CEP250: variants seen among roughly 807,000 people sequenced by gnomAD.
CEP250 encodes the protein centrosome-associated protein CEP250.
Under a neutral mutation model 315.7 loss-of-function variants are expected in CEP250, and 242 were observed. The observed-to-expected ratio is 0.77, with a 90% CI of 0.69 to 0.85. The LOEUF is 0.85. Among genes scored for constraint, CEP250 ranks in the 40% least tolerant of loss-of-function variants. CEP250 has a pLI of 0.00. For missense variants in CEP250, 2,515 were observed against 2,886.4 expected (o/e 0.87, Z 2.95); for synonymous variants, 1,088 against 1,175.0 (o/e 0.93, Z 1.51).
Position 35,475,556 on chromosome 20 carries a change from G to A in CEP250, c.1626G>A (p.Leu542=). The change falls in exon 15 of 35, where the codon CTG becomes CTA. Residue 542 remains leucine, a synonymous_variant. Transcript: ENST00000397527. ...EAKQSESLSE[L]ITLREALESS... ...AACAGTCAGAATCACTCAGTGAACT[G>A]ATCACTCTTCGGGAAGCCCTGGAGT... 1.9e-6 allele frequency: 3 copies of A among 1,614,156 alleles called. No individual in the cohort carries two copies. Among genetic ancestry groups the A allele is most frequent in the Non-Finnish European group, 2.5e-6 (3 of 1,180,036 alleles).
In CEP250 at chr20:35,474,070, C is replaced by T. The variant is rs1468677322; in HGVS notation, c.1571+18C>T. On this transcript the variant is annotated intron_variant, in intron 14 of 34. Coordinates refer to ENST00000397527, the MANE Select transcript of CEP250 (RefSeq NM_007186.6). ...GAGCGTCTGTAAGTGAGACTAGTCT[C>T]CTCCTCGCTGGGCCCTGGTCTTTCT... is the stretch of plus-strand genomic sequence containing the variant. The T allele has an allele frequency of 2.0e-6, 3 of 1,503,820 alleles. No individual in the cohort carries two copies. Among genetic ancestry groups the T allele is most frequent in the Non-Finnish European group, 2.7e-6 (3 of 1,129,294 alleles). 93.2% of individuals were successfully genotyped at this position (1,503,820 alleles called of 1,614,324 possible). A position where few individuals can be genotyped will look rare whatever the true frequency, so the allele number is the denominator to read the frequency against.
intron 2 of CEP250, among the ~76,000 whole-genome samples, chr20:35,458,771 T>C (rs886545120): frequency 1.3e-5 from 2 of 152,188 alleles, no homozygotes; most frequent in African/African-American, 2.4e-5. Flanking sequence ...TCTCTGTCTC[T>C]TCTCTTTTAT....
At chr20:35,508,335 A>G in intron 32 of CEP250, 145 bp downstream of exon 32, 1 of 882,600 alleles carries the variant, frequency 1.1e-6, no homozygotes, top group Non-Finnish European at 1.7e-6. Context: ...TTTTCCCGAG[A>G]CAGAGTCTTG....
intron 20 of CEP250, among the ~76,000 whole-genome samples, chr20:35,487,868 C>T (rs2063562985): frequency 6.6e-6 from 1 of 152,202 alleles, no homozygotes; most frequent in Admixed American, 6.5e-5. Context: ...TCTTTTTTAT[C>T]CACCTCTGTA....
intron 1 of CEP250, among the ~76,000 whole-genome samples, chr20:35,457,774 G>A (rs769983470): frequency 6.6e-6 from 1 of 152,122 alleles, no homozygotes; most frequent in African/African-American, 2.4e-5. Flanking sequence ...ACTACAGCCT[G>A]GGTAACAGAG....
At position 35,472,769 on chromosome 20, in the gene CEP250, G is replaced by T; in HGVS notation, c.1147G>T (p.Asp383Tyr). 6.2e-7 allele frequency: 1 copy of T among 1,614,160 alleles called. No homozygotes were observed. Among genetic ancestry groups the T allele is most frequent in the Non-Finnish European group, 8.5e-7 (1 of 1,180,024 alleles). The change falls in exon 12 of 35, where the codon GAT becomes TAT. Residue 383 changes from aspartate (D) to tyrosine (Y), a missense_variant. Asp to Tyr is a radical substitution (Grantham distance 160). Transcript: ENST00000397527. ...TATCTTCTCCCAGTTTGATTACCAG[G>T]ATGCAGACAAGGCTCTTACTCTGGT... The part of the protein sequence containing the change: ...SSIFSQFDYQ[D>Y]ADKALTLVRS...
rs773605537 is a variant in CEP250, at chr20:35,472,818, G to A, written c.1196G>A (p.Arg399His). The change falls in exon 12 of 35, where the codon CGC (arginine) becomes CAC (histidine). Residue 399 changes from arginine (R) to histidine (H), a missense_variant. Arg to His is a conservative substitution (Grantham distance 29). Coordinates refer to ENST00000397527, the MANE Select transcript of CEP250 (RefSeq NM_007186.6). The part of the protein sequence containing the change: ...TLVRSVLTRR[R>H]QAVQDLRQQL... Reference sequence around the variant, plus strand: ...GTGCGTTCAGTGCTGACTCGGAGACGCCAGGCTGTGCAGGTAGGAACCCTC... The same window carrying A: ...GTGCGTTCAGTGCTGACTCGGAGACACCAGGCTGTGCAGGTAGGAACCCTC... The A allele has an allele frequency of 3.1e-6, 5 of 1,613,994 alleles. No homozygotes were observed. Among genetic ancestry groups the A allele is most frequent in the Admixed American group, 1.7e-5 (1 of 60,008 alleles).
intron 21 of CEP250, 154 bp downstream of exon 21, chr20:35,490,958 C>T (rs2063672168): frequency 1.1e-6 from 1 of 888,534 alleles, no homozygotes; most frequent in African/African-American, 1.7e-5. Context: ...GTGGTCCGCA[C>T]CATTAGCCAC....
chr20:35,481,820 A>C (rs1298579182), intron 20 of CEP250, among the ~76,000 whole-genome samples: 2 of 152,048 alleles, frequency 1.3e-5, no homozygotes, highest in Non-Finnish European at 2.9e-5. Context: ...CTCCCACCTC[A>C]GCCTCCCAAG....
chr20:35,490,886 G>T, intron 21 of CEP250, 82 bp downstream of exon 21: 1 of 1,496,200 alleles, frequency 6.7e-7, no homozygotes, highest in Non-Finnish European at 9.1e-7. Flanking sequence ...CTCCCAAGAG[G>T]AGTGCTGCAG....
At chr20:35,508,234 G>T (rs368741007) in intron 32 of CEP250, 44 bp downstream of exon 32, 2 of 1,604,954 alleles carry the variant, frequency 1.2e-6, no homozygotes, top group South Asian at 1.1e-5. Context: ...TCCACTTCTC[G>T]TGTGGTCCCT....
At chr20:35,467,166 T>C (rs932285833) in intron 8 of CEP250, 94 bp downstream of exon 8, 17 of 106,098 alleles carry the variant, frequency 1.6e-4, no homozygotes, top group African/African-American at 3.2e-4. Context: ...GCTGTGGGGG[T>C]GGGGTGGGTG....
At chr20:35,490,587 C>A in intron 20 of CEP250, 50 bp from the exon 21 acceptor site, 2 of 1,567,170 alleles carry the variant, frequency 1.3e-6, no homozygotes, top group Non-Finnish European at 8.7e-7. Context: ...GTACCCCTGC[C>A]TCCCCTCCTC....
intron 5 of CEP250, among the ~76,000 whole-genome samples, chr20:35,464,286 T>C (rs1472403573): frequency 6.6e-6 from 1 of 152,118 alleles, no homozygotes. Context: ...CTTGCTTGTT[T>C]GGTTGGTTTT....
intron 5 of CEP250, 31 bp from the exon 6 acceptor site, chr20:35,465,712 G>A: frequency 6.6e-7 from 1 of 1,520,258 alleles, no homozygotes; most frequent in Non-Finnish European, 8.9e-7. Context: ...TCTCTTTGGA[G>A]GTAAGTAAGG....
intron 32 of CEP250, 120 bp downstream of exon 32, chr20:35,508,310 TAA>T (rs2064253790): frequency 4.3e-6 from 5 of 1,150,380 alleles, no homozygotes; most frequent in Admixed American, 4.6e-5. Flanking sequence ...TTCTGAAAAT[TAA>T]GTTTGTTTTT....
At chr20:35,491,806 G>A (rs1365293205) in intron 22 of CEP250, among the ~76,000 whole-genome samples, 1 of 149,532 alleles carries the variant, frequency 6.7e-6, no homozygotes, top group Non-Finnish European at 1.5e-5. Context: ...GGAGGCTGAA[G>A]CAGGAGAATA....
intron 3 of CEP250, among the ~76,000 whole-genome samples, chr20:35,461,459 G>A (rs749955224): frequency 1.3e-4 from 20 of 152,236 alleles, no homozygotes; most frequent in Non-Finnish European, 2.4e-4. Context: ...TAGGCTGGCC[G>A]CCTCTGCCTG....
chr20:35,469,096 G>T (rs1477215926), intron 9 of CEP250, among the ~76,000 whole-genome samples: 1 of 152,108 alleles, frequency 6.6e-6, no homozygotes, highest in Non-Finnish European at 1.5e-5. Context: ...GATCACTTGA[G>T]CCCAGGAGTT....
Sources: allele counts gnomAD v4.1 joint callset (sites outside exome capture counted in the v4.1 genomes callset), GRCh38; gene constraint gnomAD v4.1.1; transcripts MANE v1.5; gene names NCBI Gene and HGNC (gene_info 2026-07-23, HGNC 2026-07-21).